The following DPCD variants were observed in gnomAD, a reference collection of about 807,000 sequenced individuals.
DPCD encodes the protein deleted in primary ciliary dyskinesia homolog (mouse).
In DPCD, 20 loss-of-function variants were observed where a neutral mutation model predicts 26.4. The observed-to-expected ratio is 0.76, with a 90% CI of 0.53 to 1.10. The LOEUF (loss-of-function observed/expected upper bound fraction) is 1.10, where lower values mean the gene tolerates loss of function less well. Ranked by LOEUF, DPCD falls within the 50% of genes least tolerant of loss-of-function variation. The probability of loss-of-function intolerance (pLI) is 0.00; values close to 1 mark genes in which losing one functional copy is unlikely to be tolerated. For synonymous variants in DPCD, 97 were observed against 94.2 expected, an observed-to-expected ratio of 1.03 and a Z score of -0.17; for missense variants, 202 against 253.9, an observed-to-expected ratio of 0.80 and a Z score of 1.39.
At chr10:101,604,900 T>C (rs1317900040) in intron 4 of DPCD, among the ~76,000 whole-genome samples, 1 of 152,186 alleles carries the variant, frequency 6.6e-6, no homozygotes, top group Non-Finnish European at 1.5e-5. Flanking sequence ...GCTTGGCTGA[T>C]TTGACATCGG....
chr10:101,590,632 T>A (rs1481181448), intron 1 of DPCD, among the ~76,000 whole-genome samples: 2 of 151,124 alleles, frequency 1.3e-5, no homozygotes, highest in African/African-American at 4.9e-5. Flanking sequence ...TCACCCAGGC[T>A]GTGGGGTACG....
At chr10:101,597,913 C>T (rs1022218687) in intron 2 of DPCD, among the ~76,000 whole-genome samples, 1 of 152,116 alleles carries the variant, frequency 6.6e-6, no homozygotes, top group Non-Finnish European at 1.5e-5. Flanking sequence ...TTTATTGGGT[C>T]TTATCTCTAG....
rs748427247 is a variant in DPCD at position 101,594,726 on chromosome 10, A to T, written c.133A>T (p.Ser45Cys). Residue 45 changes from serine to cysteine, a missense_variant, in exon 2 of 6, where the codon AGT becomes TGT. Coordinates refer to ENST00000370151, the MANE Select transcript of DPCD (RefSeq NM_015448.3). ...GGCTGAAGAATATGACGAGAAGACG[A>T]GTGAACTACTTGGTAAGTGACAGAG... ...EMAEEYDEKT[S>C]ELLVRKWRVK... The T allele has an allele frequency of 6.2e-7, 1 of 1,614,206 alleles. No homozygotes were observed. Among genetic ancestry groups the T allele is most frequent in the Admixed American group, 1.7e-5 (1 of 60,026 alleles).
At chr10:101,604,651 A>G (rs1413500816) in intron 4 of DPCD, among the ~76,000 whole-genome samples, 3 of 152,214 alleles carry the variant, frequency 2.0e-5, no homozygotes, top group Non-Finnish European at 4.4e-5. Context: ...TCAGCCTGGA[A>G]GTTGGCCGCT....
In DPCD at chr10:101,604,049, C is replaced by T. The variant is rs372182179; in HGVS notation, c.404+2713C>T. On this transcript the variant is annotated intron_variant, in intron 4 of 5. Transcript: ENST00000370151. ...GAGATTACAAGCATGAGCCACCACA[C>T]CCAGACCAGGGTGGCCATTCTGGCA... Among the ~76,000 whole-genome samples the T allele has an allele frequency of 2.0e-4, 30 of 152,334 alleles. No individual in the cohort carries two copies. The South Asian group carries it at 3.7e-3, about 19-fold the overall frequency.
chr10:101,596,386 CTT>C (rs1344373976), intron 2 of DPCD, among the ~76,000 whole-genome samples: 1 of 152,172 alleles, frequency 6.6e-6, no homozygotes, highest in African/African-American at 2.4e-5. Context: ...GGTAGATACT[CTT>C]GTCTCCATTT....
chr10:101,609,022 C>CAG, intron 5 of DPCD, 85 bp downstream of exon 5: 1 of 1,134,530 alleles, frequency 8.8e-7, no homozygotes, highest in Non-Finnish European at 1.3e-6. Context: ...TAAGAGTCCT[C>CAG]AGTTCTAGCC....
chr10:101,589,003 C>T (rs892903149), intron 1 of DPCD, among the ~76,000 whole-genome samples: 1 of 152,208 alleles, frequency 6.6e-6, no homozygotes, highest in Non-Finnish European at 1.5e-5. Context: ...AAGAAGTGGG[C>T]ACAGGGGCAT....
At chr10:101,588,500 T>G in intron 1 of DPCD, 100 bp downstream of exon 1, 1 of 1,511,118 alleles carries the variant, frequency 6.6e-7, no homozygotes, top group Non-Finnish European at 8.8e-7. Flanking sequence ...TGGAAGGGTC[T>G]CGGCGGTCAG....
chr10:101,589,146 G>T (rs752421338), intron 1 of DPCD, among the ~76,000 whole-genome samples: 2 of 152,274 alleles, frequency 1.3e-5, no homozygotes, highest in East Asian at 3.9e-4. Flanking sequence ...ATAACAACTG[G>T]TGACTCATGT....
intron 4 of DPCD, among the ~76,000 whole-genome samples, chr10:101,604,765 G>A (rs1187211089): frequency 6.6e-6 from 1 of 152,184 alleles, no homozygotes; most frequent in Non-Finnish European, 1.5e-5. Flanking sequence ...TCATCTATCA[G>A]AGAAGACTCA....
chr10:101,606,505 CAG>C (rs1311010360), intron 4 of DPCD, among the ~76,000 whole-genome samples: 50 of 152,026 alleles, frequency 3.3e-4, no homozygotes, highest in Non-Finnish European at 2.9e-5. Context: ...TTTGTAGAGA[CAG>C]GGTCTCGCTA....
chr10:101,605,314 T>A, intron 4 of DPCD: 1 of 1,495,750 alleles, frequency 6.7e-7, no homozygotes, highest in African/African-American at 1.4e-5. Context: ...TGGTGCCCTT[T>A]TGGGTTGAAA....
At chr10:101,595,027 G>A (rs939603528) in intron 2 of DPCD, among the ~76,000 whole-genome samples, 1 of 152,168 alleles carries the variant, frequency 6.6e-6, no homozygotes, top group Non-Finnish European at 1.5e-5. Flanking sequence ...TTACAGAGGA[G>A]GTGGTATTGG....
At position 101,601,256 on chromosome 10, in the gene DPCD, C is replaced by T. The variant is rs139645251; in HGVS notation, c.324C>T (p.Asn108=). Residue 108 remains asparagine (N), a synonymous_variant, in exon 4 of 6, where the codon AAC becomes AAT. Coordinates refer to ENST00000370151, the MANE Select transcript of DPCD (RefSeq NM_015448.3). Reference sequence around the variant, plus strand: ...TGAGTTTCCAGTGGCGGATTCGAAACCTCCCCTATCCTAAGGATGTCTATA... The same window carrying T: ...TGAGTTTCCAGTGGCGGATTCGAAATCTCCCCTATCCTAAGGATGTCTATA... The part of the protein sequence containing the change: ...TKMSFQWRIR[N]LPYPKDVYSV... The T allele has an allele frequency of 6.2e-6, 10 of 1,613,660 alleles. No individual in the cohort carries two copies. The highest frequency in any genetic ancestry group is 1.1e-5 in the South Asian group (1 of 91,050).
rs1589726378 is a variant in DPCD, at chr10:101,601,128, C to T, written c.271-75C>T. On this transcript the variant is annotated intron_variant, in intron 3 of 5. Transcript: ENST00000370151. ...AAGAGCTGAGGGTCTTGTTGTGCCC[C>T]GGGGTAGCGCTCTGATGAGGGTGGA... 1.2e-5 allele frequency: 19 copies of T among 1,591,308 alleles called. 1 individual carries two copies. In the East Asian group the frequency reaches 2.7e-4, roughly 22 times the overall value.
intron 1 of DPCD, among the ~76,000 whole-genome samples, chr10:101,593,960 C>A (rs2063631515): frequency 6.6e-6 from 1 of 152,050 alleles, no homozygotes; most frequent in African/African-American, 2.4e-5. Context: ...GGGATAAAAC[C>A]CCTCCTATCT....
intron 4 of DPCD, among the ~76,000 whole-genome samples, chr10:101,602,548 T>C (rs1325217514): frequency 6.6e-6 from 1 of 152,226 alleles, no homozygotes; most frequent in Non-Finnish European, 1.5e-5. Flanking sequence ...GTCATAATAA[T>C]AAGGGTTTGT....
At chr10:101,606,612 C>T (rs60209517) in intron 4 of DPCD, among the ~76,000 whole-genome samples, 1,668 of 152,290 alleles carry the variant, frequency 0.011, 17 homozygotes, top group Middle Eastern at 0.024. Context: ...TCACCAGGCC[C>T]GCCCTCTTCT....
Sources: gnomAD v4.1 joint callset for allele counts (sites outside exome capture counted in the v4.1 genomes callset) on GRCh38, gnomAD v4.1.1 for gene constraint, MANE v1.5 for transcripts, NCBI Gene and HGNC (gene_info 2026-07-23, HGNC 2026-07-21) for gene names.